Variants in EFHC2 observed in about 807,000 individuals in gnomAD.
EFHC2 encodes the protein EF-hand domain-containing family member C2.
In EFHC2, 18 loss-of-function variants were observed where a neutral mutation model predicts 52.7. The ratio of observed to expected loss-of-function variants is 0.34; its 90% CI spans 0.24 to 0.51. EFHC2 has a LOEUF of 0.51. Among genes scored for constraint, EFHC2 ranks in the 20% least tolerant of loss-of-function variants. EFHC2 has a pLI of 0.97. For synonymous variants in EFHC2, 203 were observed against 204.1 expected (o/e 0.99, Z 0.04); for missense variants, 513 against 562.5 (o/e 0.91, Z 0.89).
At position 44,302,855 on chromosome X, in the gene EFHC2, G is replaced by A. The variant is rs546854182; in HGVS notation, c.231+9713C>T. Among the ~76,000 whole-genome samples the A allele has an allele frequency of 2.7e-5, 3 of 111,707 alleles. No individual in the cohort carries two copies. The South Asian group carries it at 1.1e-3, about 41-fold the overall frequency. Reference sequence around the variant, plus strand: ...TTTGAAATTTCGGGTATGGTTTAATGGTATATCTAATGTATTTTCCAGTTT... The same window carrying A: ...TTTGAAATTTCGGGTATGGTTTAATAGTATATCTAATGTATTTTCCAGTTT... On this transcript the variant is annotated intron_variant, in intron 2 of 14. Coordinates refer to ENST00000420999, the MANE Select transcript of EFHC2 (RefSeq NM_025184.4).
At chrX:44,268,303 G>A (rs1193510709) in intron 3 of EFHC2, among the ~76,000 whole-genome samples, 1 of 111,251 alleles carries the variant, frequency 9.0e-6, no homozygotes, top group Non-Finnish European at 1.9e-5. Context: ...ATCTGCCTAT[G>A]TGAGATTTGA....
intron 11 of EFHC2, among the ~76,000 whole-genome samples, chrX:44,206,622 A>G (rs779899574): frequency 8.9e-6 from 1 of 112,082 alleles, no homozygotes; most frequent in Non-Finnish European, 1.9e-5. Context: ...GACACAAAAA[A>G]TAAAATACCT....
chrX:44,337,280 T>C (rs890618404), intron 1 of EFHC2, among the ~76,000 whole-genome samples: 4 of 111,783 alleles, frequency 3.6e-5, no homozygotes, highest in Non-Finnish European at 5.6e-5. Context: ...AAAAAGCTGG[T>C]AAAAAGTCCT....
intron 11 of EFHC2, among the ~76,000 whole-genome samples, chrX:44,204,238 A>C (rs2037029684): frequency 9.3e-6 from 1 of 107,729 alleles, no homozygotes; most frequent in African/African-American, 3.4e-5. Context: ...CAAACCCAAA[A>C]AAAAAAAAAA....
intron 11 of EFHC2, among the ~76,000 whole-genome samples, chrX:44,224,708 C>T (rs1223368219): frequency 8.9e-6 from 1 of 112,594 alleles, no homozygotes; most frequent in Non-Finnish European, 1.9e-5. Flanking sequence ...CTGGAGGCAT[C>T]TGGGAAAGAC....
intron 14 of EFHC2, among the ~76,000 whole-genome samples, chrX:44,158,607 C>T (rs974433556): frequency 3.6e-5 from 4 of 111,124 alleles, no homozygotes; most frequent in Non-Finnish European, 5.7e-5. Flanking sequence ...ATGTGACTGG[C>T]TGGCTATGGA....
At chrX:44,241,258 C>G (rs1264311831) in intron 8 of EFHC2, among the ~76,000 whole-genome samples, 3 of 111,835 alleles carry the variant, frequency 2.7e-5, no homozygotes, top group Non-Finnish European at 5.6e-5. Context: ...GCCTGCTCTC[C>G]CTGCAGAAGC....
At chrX:44,274,043 A>G (rs2037637068) in intron 2 of EFHC2, among the ~76,000 whole-genome samples, 1 of 112,271 alleles carries the variant, frequency 8.9e-6, no homozygotes. Context: ...AGAATGCCTC[A>G]GTAGCTTTTT....
At chrX:44,266,796 T>C (rs752987890) in intron 3 of EFHC2, among the ~76,000 whole-genome samples, 1 of 111,790 alleles carries the variant, frequency 8.9e-6, no homozygotes, top group Admixed American at 9.6e-5. Flanking sequence ...TACCTATATA[T>C]AGTACATGCC....
chrX:44,243,696 A>C (rs914815892), intron 7 of EFHC2, among the ~76,000 whole-genome samples: 1 of 112,196 alleles, frequency 8.9e-6, no homozygotes. Flanking sequence ...TGCTTACAGC[A>C]GACATGTTTA....
rs561680486 is a variant in EFHC2 at position 44,211,840 on chromosome X, C to G, written c.1751+17809G>C. On this transcript the variant is annotated intron_variant, in intron 11 of 14. Transcript: ENST00000420999. ...TCAGCCGAGATCACGCCACTCCAGC[C>G]TGGGCGACAGAGCAAGACTCCCTCT... is the stretch of plus-strand genomic sequence containing the variant. Among the ~76,000 whole-genome samples the G allele has an allele frequency of 1.7e-4, 16 of 96,058 alleles. No individual in the cohort carries two copies. The South Asian group carries it at 5.5e-3, about 33-fold the overall frequency. 83.4% of individuals were successfully genotyped at this position (96,058 alleles called of 115,157 possible).
At position 44,184,183 on chromosome X, in the gene EFHC2, G is replaced by A. The variant is rs377455409; in HGVS notation, c.1752-5619C>T. On this transcript the variant is annotated intron_variant, in intron 11 of 14. Coordinates refer to ENST00000420999, the MANE Select transcript of EFHC2 (RefSeq NM_025184.4). Reference sequence around the variant, plus strand: ...GGCTTACAAGGCCTGACATGATCTGGCCCCTCCTCTGCTGTCGCTAGGAAT... The same window carrying A: ...GGCTTACAAGGCCTGACATGATCTGACCCCTCCTCTGCTGTCGCTAGGAAT... Among the ~76,000 whole-genome samples the A allele has an allele frequency of 4.2e-4, 47 of 111,607 alleles. 3 individuals carry two copies. Among genetic ancestry groups the A allele is most frequent in the Admixed American group, 2.5e-3 (26 of 10,530 alleles).
chrX:44,191,653 A>T (rs2036921212), intron 11 of EFHC2, among the ~76,000 whole-genome samples: 1 of 112,117 alleles, frequency 8.9e-6, no homozygotes, highest in South Asian at 3.7e-4. Flanking sequence ...AATATGCTAT[A>T]GGAACTTAAC....
At chrX:44,158,427 T>A (rs1022152961) in intron 14 of EFHC2, among the ~76,000 whole-genome samples, 10 of 111,034 alleles carry the variant, frequency 9.0e-5, no homozygotes, top group Admixed American at 2.9e-4. Flanking sequence ...CCGGCTCATA[T>A]ACTGGAGGAA....
chrX:44,152,008 G>T (rs1326793657), intron 14 of EFHC2, among the ~76,000 whole-genome samples: 1 of 111,749 alleles, frequency 8.9e-6, no homozygotes, highest in Non-Finnish European at 1.9e-5. Context: ...AATCAGAAGA[G>T]AACTAAGTAC....
rs766170612 is a variant in EFHC2 at position 44,190,947 on chromosome X, C to T, written c.1752-12383G>A. ...CTGAGCTGCTGGGACAGGCTCCAGC[C>T]ACCCATGACCTTGAACTGGAATAAG... On this transcript the variant is annotated intron_variant, in intron 11 of 14. Transcript: ENST00000420999. 6.3e-5 allele frequency among the ~76,000 whole-genome samples: 7 copies of T among 111,452 alleles called. No individual in the cohort carries two copies. The East Asian group carries it at 1.7e-3, about 27-fold the overall frequency.
Position 44,236,183 on chromosome X carries a change from T to C in EFHC2, c.1281-736A>G, listed in dbSNP as rs2037319106. Among the ~76,000 whole-genome samples the C allele has an allele frequency of 3.6e-5, 4 of 112,060 alleles. No homozygotes were observed. In the South Asian group the frequency reaches 1.1e-3, roughly 31 times the overall value. On this transcript the variant is annotated intron_variant, in intron 8 of 14. Coordinates refer to ENST00000420999, the MANE Select transcript of EFHC2 (RefSeq NM_025184.4). The stretch of plus-strand genomic sequence containing the variant: ...AAAATTGTTATGAGATCTGTATTGA[T>C]TGGAATTTGCACTCAGAATTCTATG...
chrX:44,314,173 C>T (rs1398441354), intron 1 of EFHC2, among the ~76,000 whole-genome samples: 1 of 111,906 alleles, frequency 8.9e-6, no homozygotes, highest in East Asian at 2.8e-4. Context: ...ATATGCCCCA[C>T]AGCCCTGCAT....
intron 13 of EFHC2, among the ~76,000 whole-genome samples, chrX:44,168,641 A>G (rs1387119971): frequency 9.0e-6 from 1 of 111,724 alleles, no homozygotes; most frequent in East Asian, 2.8e-4. Context: ...GAGAAATTCA[A>G]TGAAAGAAGC....
Sources: gnomAD v4.1 joint callset for allele counts (sites outside exome capture counted in the v4.1 genomes callset) on GRCh38, gnomAD v4.1.1 for gene constraint, MANE v1.5 for transcripts, NCBI Gene and HGNC (gene_info 2026-07-23, HGNC 2026-07-21) for gene names.